PGAM5: variants seen among roughly 807,000 people sequenced by gnomAD.
PGAM5 encodes the protein serine/threonine-protein phosphatase PGAM5, mitochondrial.
Under a neutral mutation model 30.6 loss-of-function variants are expected in PGAM5, and 25 were observed. The ratio of observed to expected loss-of-function variants is 0.82; its 90% CI spans 0.60 to 1.14. The LOEUF is 1.14. Ranked by LOEUF, PGAM5 falls within the 50% of genes most tolerant of loss-of-function variation. The pLI is 0.00. For missense variants in PGAM5, 384 were observed against 408.5 expected (o/e 0.94, Z 0.52); for synonymous variants, 201 against 179.1 (o/e 1.12, Z -0.98).
chr12:132,712,071 G>A (rs1014304093), intron 1 of PGAM5, among the ~76,000 whole-genome samples: 1 of 152,106 alleles, frequency 6.6e-6, no homozygotes, highest in Admixed American at 6.6e-5. Context: ...CTTTATATTA[G>A]ATTTTTATCT....
intron 1 of PGAM5, chr12:132,714,623 G>A (rs1346083783): frequency 6.1e-6 from 3 of 494,050 alleles, no homozygotes; most frequent in Non-Finnish European, 1.1e-5. Flanking sequence ...GATGCACAGG[G>A]CTTTGCTTGT....
At position 132,714,930 on chromosome 12, in the gene PGAM5, G is replaced by A. The variant is rs2043558307; in HGVS notation, c.264G>A (p.Lys88=). Reference sequence around the variant, plus strand: ...CTGGGGAAGAAGAGCTGGCGTCCAAGCTGGACCACTACAAAGCCAAGGCCA... The same window carrying A: ...CTGGGGAAGAAGAGCTGGCGTCCAAACTGGACCACTACAAAGCCAAGGCCA... ...VESGEEELAS[K]LDHYKAKATR... Residue 88 remains lysine (K), a synonymous_variant, in exon 2 of 6, where the codon AAG becomes AAA. Transcript: ENST00000498926. The A allele has an allele frequency of 6.2e-7, 1 of 1,613,714 alleles. No individual in the cohort carries two copies.
rs2043651727 is a variant in PGAM5 at position 132,722,182 on chromosome 12, T to C, written c.*1354T>C. 1 of 152,112 alleles carries C rather than the reference T, an allele frequency of 6.6e-6. No homozygotes were observed. Among genetic ancestry groups the C allele is most frequent in the African/African-American group, 2.4e-5 (1 of 41,384 alleles). The allele number at this position is 152,112 out of a possible 1,614,324, so 9.4% of individuals were successfully genotyped here. On this transcript the variant is annotated 3_prime_UTR_variant, in exon 6 of 6. Coordinates refer to ENST00000498926, the MANE Select transcript of PGAM5 (RefSeq NM_001170543.2). ...CCCTTATTGAGTAAAATACTTCAGA[T>C]TGACAGCTCAATCTTAGTTTGCCTC...
rs1352930932 is a variant in PGAM5 at position 132,717,978 on chromosome 12, T to C, written c.586-9T>C. ...CTTCCGCACTGACGGCTCCTCACTC[T>C]GCCCCCAGCAGTATTACGAAGACGG... is the stretch of plus-strand genomic sequence containing the variant. On this transcript the variant is annotated splice_polypyrimidine_tract_variant and intron_variant, in intron 4 of 5. Transcript: ENST00000498926. 8 of 1,612,518 alleles carry C rather than the reference T, an allele frequency of 5.0e-6. 1 individual carries two copies. The highest frequency in any genetic ancestry group is 2.2e-5 in the East Asian group (1 of 44,860).
In PGAM5 at chr12:132,717,142, G is replaced by C. The variant is rs7980762; in HGVS notation, c.371-297G>C. ...CCCCACCAAGCGCCAGCCACCATCCGGTTTGCTTGCTGCTCCATTGGTGGA... is the reference window on the plus strand; with the variant it reads ...CCCCACCAAGCGCCAGCCACCATCCCGTTTGCTTGCTGCTCCATTGGTGGA... On this transcript the variant is annotated intron_variant, in intron 2 of 5. Coordinates refer to ENST00000498926, the MANE Select transcript of PGAM5 (RefSeq NM_001170543.2). Among the ~76,000 whole-genome samples, 30,430 of 152,208 alleles carry C rather than the reference G, an allele frequency of 0.2. 3,354 individuals are homozygous for C. The highest frequency in any genetic ancestry group is 0.26 in the African/African-American group (10,706 of 41,524).
intron 2 of PGAM5, among the ~76,000 whole-genome samples, 185 bp from the exon 3 acceptor site, chr12:132,717,254 C>T (rs368378908): frequency 4.9e-5 from 7 of 143,094 alleles, no homozygotes; most frequent in East Asian, 4.5e-4. Context: ...CAGGAGCCAT[C>T]GGCTGAGCTT....
intron 2 of PGAM5, among the ~76,000 whole-genome samples, chr12:132,716,844 C>T (rs997525307): frequency 4.6e-5 from 7 of 152,246 alleles, no homozygotes; most frequent in South Asian, 4.1e-4. Context: ...CAGAGCTGTC[C>T]TGGCTGCTTG....
At position 132,712,780 on chromosome 12, in the gene PGAM5, G is replaced by GAATTCTGAAAAATCAGA. The variant is rs1555233434; in HGVS notation, c.191+1723_191+1739dup. On this transcript the variant is annotated intron_variant, in intron 1 of 5. Transcript: ENST00000498926. ...CTGTTATATTCTTTTTTAAAAATCA[G>GAATTCTGAAAAATCAGA]AATTCTGAAAAATCAGAAATTCTGA... Among the ~76,000 whole-genome samples the GAATTCTGAAAAATCAGA allele has an allele frequency of 1.7e-3, 254 of 152,058 alleles. 1 individual carries two copies. Among genetic ancestry groups the GAATTCTGAAAAATCAGA allele is most frequent in the Middle Eastern group, 3.4e-3 (1 of 294 alleles).
chr12:132,722,002 G>C lies in PGAM5; in HGVS notation c.*1174G>C, dbSNP rs931682555. The stretch of plus-strand genomic sequence containing the variant: ...ATGTTGGGTCTGAACTCACCAACTT[G>C]ATTAGGTCTTTAGGGGCCGAGGGAC... On this transcript the variant is annotated 3_prime_UTR_variant, in exon 6 of 6. Coordinates refer to ENST00000498926, the MANE Select transcript of PGAM5 (RefSeq NM_001170543.2). 1 of 152,158 alleles carries C rather than the reference G, an allele frequency of 6.6e-6. No individual in the cohort carries two copies. Among genetic ancestry groups the C allele is most frequent in the Non-Finnish European group, 1.5e-5 (1 of 68,054 alleles). 9.4% of individuals were successfully genotyped at this position (152,158 alleles called of 1,614,324 possible).
intron 2 of PGAM5, among the ~76,000 whole-genome samples, chr12:132,717,123 C>G (rs1025788152): frequency 2.8e-4 from 42 of 152,328 alleles, no homozygotes; most frequent in Admixed American, 2.6e-3. Flanking sequence ...TGGGCCCCAC[C>G]AAGCGCCAGC....
chr12:132,720,923 C>T lies in PGAM5; in HGVS notation c.*95C>T. Reference sequence around the variant, plus strand: ...GAGACCGGCGGAAAGTAGAAACCTGCAATGCTGCATCTGGGAACTGACTTG... The same window carrying T: ...GAGACCGGCGGAAAGTAGAAACCTGTAATGCTGCATCTGGGAACTGACTTG... On this transcript the variant is annotated 3_prime_UTR_variant, in exon 6 of 6. Transcript: ENST00000498926. 7.2e-7 allele frequency: 1 copy of T among 1,386,268 alleles called. No individual in the cohort carries two copies. The highest frequency in any genetic ancestry group is 9.6e-7 in the Non-Finnish European group (1 of 1,043,474). The allele number at this position is 1,386,268 out of a possible 1,614,324, so 85.9% of individuals were successfully genotyped here.
intron 2 of PGAM5, 67 bp from the exon 3 acceptor site, chr12:132,717,369 CGGA>C: frequency 7.3e-7 from 1 of 1,377,268 alleles, no homozygotes; most frequent in South Asian, 1.2e-5. Context: ...TGTTTGCGGG[CGGA>C]GGAGGGGGTG....
intron 1 of PGAM5, among the ~76,000 whole-genome samples, chr12:132,714,184 A>C (rs1003284267): frequency 2.6e-5 from 4 of 151,854 alleles, no homozygotes; most frequent in African/African-American, 9.7e-5. Flanking sequence ...AGCCCGGCTA[A>C]TTTTTGTATT....
intron 1 of PGAM5, among the ~76,000 whole-genome samples, chr12:132,713,580 G>A (rs958038458): frequency 3.9e-5 from 6 of 152,158 alleles, no homozygotes; most frequent in South Asian, 2.1e-4. Flanking sequence ...AGTCACCACC[G>A]TGCCCTTCCA....
intron 5 of PGAM5, chr12:132,718,932 C>T (rs891140721): frequency 2.6e-4 from 399 of 1,554,524 alleles, no homozygotes; most frequent in Non-Finnish European, 3.2e-4. Flanking sequence ...GCTGCTCCCT[C>T]GGGGGGCCCT....
chr12:132,718,147 T>G (rs769686314), intron 5 of PGAM5, 27 bp downstream of exon 5: 14 of 1,610,842 alleles, frequency 8.7e-6, no homozygotes, highest in Non-Finnish European at 1.1e-5. Context: ...CTGGGCGTGG[T>G]CTAAAATAAT....
Position 132,721,337 on chromosome 12 carries a change from C to G in PGAM5, c.*509C>G, listed in dbSNP as rs1180359398. On this transcript the variant is annotated 3_prime_UTR_variant, in exon 6 of 6. Transcript: ENST00000498926. ...GGGCACAGTGGCTCACACCTGTATT[C>G]CCAGCTACTCAGGAGGCCAGGGTGG... 1 of 152,466 alleles carries G rather than the reference C, an allele frequency of 6.6e-6. No homozygotes were observed. The highest frequency in any genetic ancestry group is 2.1e-4 in the South Asian group (1 of 4,850). 9.4% of individuals were successfully genotyped at this position (152,466 alleles called of 1,614,324 possible). A position where few individuals can be genotyped will look rare whatever the true frequency, so the allele number is the denominator to read the frequency against.
chr12:132,711,953 C>T (rs1268032299), intron 1 of PGAM5, among the ~76,000 whole-genome samples: 1 of 152,136 alleles, frequency 6.6e-6, no homozygotes, highest in Admixed American at 6.5e-5. Flanking sequence ...TTCTGTCGGC[C>T]AGGACTGCTC....
intron 5 of PGAM5, chr12:132,719,048 A>T: frequency 7.0e-7 from 1 of 1,425,168 alleles, no homozygotes; most frequent in Non-Finnish European, 9.1e-7. Context: ...TTCTTTAAGG[A>T]GCTCCAGGGC....
Sources: allele counts gnomAD v4.1 joint callset (sites outside exome capture counted in the v4.1 genomes callset), GRCh38; gene constraint gnomAD v4.1.1; transcripts MANE v1.5; gene names NCBI Gene and HGNC (gene_info 2026-07-23, HGNC 2026-07-21).